Variants in SLC11A2 observed in about 807,000 individuals in gnomAD.
SLC11A2 encodes natural resistance-associated macrophage protein 2.
Under a neutral mutation model 68.0 loss-of-function variants are expected in SLC11A2, and 38 were observed. The observed-to-expected ratio is 0.56, with a 90% CI of 0.43 to 0.73. The LOEUF (loss-of-function observed/expected upper bound fraction) is 0.73, where lower values mean the gene tolerates loss of function less well. Ranked by LOEUF, SLC11A2 falls within the 30% of genes least tolerant of loss-of-function variation. The pLI, the probability that SLC11A2 is intolerant of heterozygous loss-of-function variation, is 0.00. For synonymous variants in SLC11A2, 242 were observed against 250.6 expected, an observed-to-expected ratio of 0.97 and a Z score of 0.32; for missense variants, 517 against 690.5, an observed-to-expected ratio of 0.75 and a Z score of 2.82.
chr12:50,997,078 CTTATTT>C, intron 8 of SLC11A2, 106 bp from the exon 9 acceptor site: 1 of 896,078 alleles, frequency 1.1e-6, no homozygotes, highest in Non-Finnish European at 1.8e-6. Flanking sequence ...TGCCTTCTTC[CTTATTT>C]TTATATTTTT....
At chr12:50,965,996 C>T in the SLC11A2 span, among the ~76,000 whole-genome samples, 6 of 152,198 alleles carry the variant, frequency 3.9e-5, no homozygotes, top group Non-Finnish European at 5.9e-5. Flanking sequence ...AGCTTTTCTG[C>T]TTCTGCCCAT....
Position 50,986,857 on chromosome 12 carries a change from G to C in SLC11A2, c.*1468C>G. ...ATCCAGTCTGCGCTTTTGACTGTGT[G>C]CAAGTATCAGTAATAATGCTTTTGG... On this transcript the variant is annotated 3_prime_UTR_variant, in exon 16 of 16. Transcript: ENST00000262052. 7.8e-7 allele frequency: 1 copy of C among 1,287,182 alleles called. No homozygotes were observed. The highest frequency in any genetic ancestry group is 1.2e-5 in the South Asian group (1 of 80,938). 79.7% of individuals were successfully genotyped at this position (1,287,182 alleles called of 1,614,324 possible).
At position 51,002,752 on chromosome 12, in the gene SLC11A2, C is replaced by T. The variant is rs574152233; in HGVS notation, c.429+2036G>A. On this transcript the variant is annotated intron_variant, in intron 5 of 15. Coordinates refer to ENST00000262052, the MANE Select transcript of SLC11A2 (RefSeq NM_000617.3). ...GTCAGGAGTTTGAGACCAGTCTGGC[C>T]AACATAGTGAAACCTCATCTCTACT... 2.1e-4 allele frequency among the ~76,000 whole-genome samples: 31 copies of T among 150,274 alleles called. No individual in the cohort carries two copies. In the South Asian group the frequency reaches 6.3e-3, roughly 31 times the overall value.
intron 1 of SLC11A2, among the ~76,000 whole-genome samples, chr12:51,016,776 G>T (rs1943689762): frequency 6.6e-6 from 1 of 150,622 alleles, no homozygotes; most frequent in Admixed American, 6.6e-5. Context: ...GAACCTGGGA[G>T]GCGGAGGTTG....
downstream of SLC11A2, among the ~76,000 whole-genome samples, chr12:50,982,234 A>G (rs897271798): frequency 6.6e-6 from 1 of 152,200 alleles, no homozygotes; most frequent in Admixed American, 6.5e-5. Context: ...CATTTAAAAA[A>G]CAAAAACATG....
intron 3 of SLC11A2, 128 bp downstream of exon 3, chr12:51,008,348 G>T: frequency 2.2e-5 from 15 of 688,472 alleles, no homozygotes; most frequent in Admixed American, 3.8e-5. Flanking sequence ...TAGATATATA[G>T]ATATAGTCTT....
chr12:50,983,029 T>A (rs1328841795), downstream of SLC11A2, among the ~76,000 whole-genome samples: 1 of 151,296 alleles, frequency 6.6e-6, no homozygotes, highest in African/African-American at 2.4e-5. Flanking sequence ...GAAGTTGTTA[T>A]TTTTTTTGTA....
chr12:50,959,042 T>C, the SLC11A2 span, among the ~76,000 whole-genome samples: 3 of 152,202 alleles, frequency 2.0e-5, no homozygotes, highest in Admixed American at 6.5e-5. Context: ...AAAAAAAAGA[T>C]GCACACTTTT....
At chr12:51,010,152 C>T (rs1943086418) in intron 2 of SLC11A2, among the ~76,000 whole-genome samples, 1 of 151,476 alleles carries the variant, frequency 6.6e-6, no homozygotes, top group South Asian at 2.1e-4. Context: ...CCACTGAACA[C>T]TAACTAGCCT....
the SLC11A2 span, among the ~76,000 whole-genome samples, chr12:50,972,907 C>T: frequency 6.6e-6 from 1 of 152,212 alleles, no homozygotes; most frequent in Non-Finnish European, 1.5e-5. Context: ...GCACAGCAGT[C>T]TGAGATCAAA....
chr12:51,003,863 C>A (rs1451501188), intron 5 of SLC11A2, among the ~76,000 whole-genome samples: 1 of 151,888 alleles, frequency 6.6e-6, no homozygotes, highest in Admixed American at 6.6e-5. Flanking sequence ...TCGCTTGAGC[C>A]TGGGAGGTCA....
At chr12:50,983,168 G>A (rs113187747), downstream of SLC11A2, among the ~76,000 whole-genome samples, 4,283 of 152,178 alleles carry the variant, frequency 0.028, 209 homozygotes, top group African/African-American at 0.098. Context: ...GACTATAGGC[G>A]TGTGCCACCA....
Position 50,988,358 on chromosome 12 carries a change from C to T in SLC11A2, c.1653G>A (p.Leu551=), listed in dbSNP as rs1171982464. ...GHTVSISKGL[L]TEEATRGYVK ...CGTAGCCACGGGTGGCTTCTTCTGTCAGCAGGCCTTTAGAGATGCTTACCG... is the reference window on the plus strand; with the variant it reads ...CGTAGCCACGGGTGGCTTCTTCTGTTAGCAGGCCTTTAGAGATGCTTACCG... Residue 551 remains leucine, a synonymous_variant, in exon 16 of 16, where the codon CTG becomes CTA. Coordinates refer to ENST00000262052, the MANE Select transcript of SLC11A2 (RefSeq NM_000617.3). The T allele has an allele frequency of 6.2e-7, 1 of 1,613,942 alleles. No individual in the cohort carries two copies.
downstream of SLC11A2, among the ~76,000 whole-genome samples, chr12:50,982,433 G>A (rs1940111784): frequency 6.6e-6 from 1 of 152,004 alleles, no homozygotes; most frequent in Non-Finnish European, 1.5e-5. Flanking sequence ...AGACCATCCT[G>A]GCCAACATGA....
At chr12:50,982,764 C>G (rs530177649), downstream of SLC11A2, among the ~76,000 whole-genome samples, 1 of 151,632 alleles carries the variant, frequency 6.6e-6, no homozygotes, top group Non-Finnish European at 1.5e-5. Flanking sequence ...ACCAACATGG[C>G]GAAACCCCTC....
At chr12:51,002,780 AAAT>A (rs1358404741) in intron 5 of SLC11A2, among the ~76,000 whole-genome samples, 1 of 150,536 alleles carries the variant, frequency 6.6e-6, no homozygotes, top group Non-Finnish European at 1.5e-5. Flanking sequence ...TCTCTACTAA[AAAT>A]ACAAAAATTG....
intron 12 of SLC11A2, 43 bp from the exon 13 acceptor site, chr12:50,992,382 AC>A: frequency 6.2e-7 from 1 of 1,608,518 alleles, no homozygotes; most frequent in Non-Finnish European, 8.5e-7. Flanking sequence ...GCAACAGGAA[AC>A]AAAAAAAAGT....
rs1472741641 is a variant in SLC11A2 at position 50,986,834 on chromosome 12, C to A, written c.*1491G>T. On this transcript the variant is annotated 3_prime_UTR_variant, in exon 16 of 16. Coordinates refer to ENST00000262052, the MANE Select transcript of SLC11A2 (RefSeq NM_000617.3). ...AAATGCCTTATAAAAGACCATCCAT[C>A]CAGTCTGCGCTTTTGACTGTGTGCA... is the stretch of plus-strand genomic sequence containing the variant. The A allele has an allele frequency of 1.6e-6, 2 of 1,287,068 alleles. No homozygotes were observed. The highest frequency in any genetic ancestry group is 2.0e-6 in the Non-Finnish European group (2 of 988,694). The allele number at this position is 1,287,068 out of a possible 1,614,324, so 79.7% of individuals were successfully genotyped here.
At chr12:50,996,142 AAAATCTC>A (rs1941681952) in intron 9 of SLC11A2, among the ~76,000 whole-genome samples, 1 of 152,226 alleles carries the variant, frequency 6.6e-6, no homozygotes, top group Non-Finnish European at 1.5e-5. Flanking sequence ...AAAGGTTTCT[AAAATCTC>A]CCAGCAAACT....
Sources: gnomAD v4.1 joint callset for allele counts (sites outside exome capture counted in the v4.1 genomes callset) on GRCh38, gnomAD v4.1.1 for gene constraint, MANE v1.5 for transcripts, NCBI Gene and HGNC (gene_info 2026-07-23, HGNC 2026-07-21) for gene names.